The following HELLS variants were observed in gnomAD, a reference collection of about 807,000 sequenced individuals.
The protein encoded by HELLS is lymphoid-specific helicase.
Under a neutral mutation model 120.0 loss-of-function variants are expected in HELLS, and 32 were observed. The observed-to-expected ratio is 0.27, with a 90% confidence interval of 0.20 to 0.36. HELLS has a LOEUF of 0.36. Ranked by LOEUF, HELLS falls within the 10% of genes least tolerant of loss-of-function variation. The pLI, the probability that HELLS is intolerant of heterozygous loss-of-function variation, is 1.00. For synonymous variants in HELLS, 341 were observed against 323.4 expected (o/e 1.05, Z -0.58); for missense variants, 650 against 993.4 (o/e 0.65, Z 4.65).
intron 19 of HELLS, among the ~76,000 whole-genome samples, chr10:94,596,054 C>T (rs973712015): frequency 6.6e-6 from 1 of 152,144 alleles, no homozygotes; most frequent in African/African-American, 2.4e-5. Flanking sequence ...CACCTGGACT[C>T]AAGTGATCCT....
Position 94,574,199 on chromosome 10 carries a change from G to T in HELLS, c.705+12G>T. 1 of 1,537,446 alleles carries T rather than the reference G, an allele frequency of 6.5e-7. No individual in the cohort carries two copies. The highest frequency in any genetic ancestry group is 9.0e-7 in the Non-Finnish European group (1 of 1,113,242). ...TGGAATGGCTTAGGGTAATGAATTG[G>T]AATTTTTAATACAAGATACTGGTTT... On this transcript the variant is annotated intron_variant, in intron 8 of 21. Transcript: ENST00000348459.
chr10:94,562,381 C>T (rs1278457437), intron 4 of HELLS, among the ~76,000 whole-genome samples: 1 of 151,982 alleles, frequency 6.6e-6, no homozygotes, highest in South Asian at 2.1e-4. Context: ...CTATCCTGGG[C>T]GACAAGAGTG....
At chr10:94,580,269 G>A (rs1418879063) in intron 10 of HELLS, among the ~76,000 whole-genome samples, 1 of 143,350 alleles carries the variant, frequency 7.0e-6, no homozygotes, top group Non-Finnish European at 1.5e-5. Flanking sequence ...ACTGCAACCT[G>A]TCTCCCGGGC....
intron 12 of HELLS, chr10:94,584,093 A>G (rs1166156160): frequency 3.6e-6 from 5 of 1,395,194 alleles, no homozygotes; most frequent in Non-Finnish European, 4.7e-6. Context: ...ATATGAAAAT[A>G]CTTATTTACT....
chr10:94,575,765 TTGTGTTTGTGTG>T (rs1564597283), intron 9 of HELLS, among the ~76,000 whole-genome samples: 427 of 38,708 alleles, frequency 0.011, 6 homozygotes, highest in African/African-American at 0.038. Context: ...GGGGGGGGGG[TTGTGTTTGTGTG>T]TGTGTGTGTG....
At chr10:94,588,032 T>A (rs1845265118) in intron 12 of HELLS, among the ~76,000 whole-genome samples, 197 bp from the exon 13 acceptor site, 1 of 152,186 alleles carries the variant, frequency 6.6e-6, no homozygotes, top group Non-Finnish European at 1.5e-5. Flanking sequence ...GAAAATAAAT[T>A]CTGAAATGCT....
intron 2 of HELLS, 90 bp from the exon 3 acceptor site, chr10:94,554,036 T>A: frequency 8.4e-7 from 1 of 1,187,650 alleles, no homozygotes; most frequent in Non-Finnish European, 1.2e-6. Context: ...TAAAAAATGT[T>A]ATTTTAGCCA....
At chr10:94,547,870 T>G (rs1226619407) in intron 2 of HELLS, among the ~76,000 whole-genome samples, 1 of 152,214 alleles carries the variant, frequency 6.6e-6, no homozygotes, top group Admixed American at 6.5e-5. Flanking sequence ...GTAATACTCC[T>G]TCCGTTATTA....
intron 9 of HELLS, among the ~76,000 whole-genome samples, chr10:94,608,636 G>GTTTTTTTTTT (rs140578329): frequency 1.4e-5 from 2 of 148,122 alleles, no homozygotes; most frequent in Non-Finnish European, 3.0e-5. Context: ...CAGTTTTTTA[G>GTTTTTTTTTT]TTTTTTTTTT....
chr10:94,565,940 C>G (rs191497702), intron 6 of HELLS, among the ~76,000 whole-genome samples: 1 of 151,504 alleles, frequency 6.6e-6, no homozygotes, highest in Non-Finnish European at 1.5e-5. Context: ...TACCCTGGCT[C>G]GAATGCAGCT....
At chr10:94,580,139 A>G (rs867550941) in intron 10 of HELLS, among the ~76,000 whole-genome samples, 1,163 of 70,690 alleles carry the variant, frequency 0.016, 68 homozygotes, top group African/African-American at 0.076. Context: ...ATATATATAT[A>G]TATATATATA....
intron 12 of HELLS, among the ~76,000 whole-genome samples, chr10:94,585,385 GT>G (rs10540229): frequency 0.012 from 1,418 of 121,976 alleles, 24 homozygotes; most frequent in African/African-American, 0.04. Context: ...GTTTGTTTTT[GT>G]TTTTTTTTTT....
At chr10:94,613,435 C>T (rs1212098079) in exon 10 of HELLS, 5 of 152,118 alleles carry the variant, frequency 3.3e-5, no homozygotes, top group African/African-American at 9.7e-5. Flanking sequence ...AACATTTCTT[C>T]GTTGTTAATT....
chr10:94,613,377 GT>G (rs1846213189), exon 10 of HELLS: 1 of 152,092 alleles, frequency 6.6e-6, no homozygotes, highest in African/African-American at 2.4e-5. Flanking sequence ...TCAGCTTTTA[GT>G]TTTGTTAAAT....
chr10:94,560,701 T>C (rs1231819302), intron 4 of HELLS, among the ~76,000 whole-genome samples: 1 of 151,068 alleles, frequency 6.6e-6, no homozygotes, highest in African/African-American at 2.4e-5. Flanking sequence ...TGTTCCTAAA[T>C]AAATAAATAA....
chr10:94,567,542 C>T (rs1030737833), intron 6 of HELLS, among the ~76,000 whole-genome samples: 4 of 152,156 alleles, frequency 2.6e-5, no homozygotes, highest in Non-Finnish European at 5.9e-5. Context: ...AGGTGATCCA[C>T]CCACCTTGGC....
Position 94,597,087 on chromosome 10 carries a change from T to G in HELLS, c.2398T>G (p.Leu800Val), listed in dbSNP as rs781540868. 6.3e-7 allele frequency: 1 copy of G among 1,597,392 alleles called. No individual in the cohort carries two copies. Among genetic ancestry groups the G allele is most frequent in the Admixed American group, 1.7e-5 (1 of 59,740 alleles). Residue 800 changes from leucine to valine, a missense_variant, in exon 21 of 22, where the codon TTG (leucine) becomes GTG (valine). Coordinates refer to ENST00000348459, the MANE Select transcript of HELLS (RefSeq NM_018063.5). Reference protein sequence around the residue: ...KVISDKDLELLLDRSDLIDQM... With the variant: ...KVISDKDLELVLDRSDLIDQM... ...CATTAGTGATAAAGATCTAGAGTTG[T>G]TGTTAGATCGAAGTGATCTTATTGG...
At chr10:94,574,404 C>A in intron 8 of HELLS, 150 bp from the exon 9 acceptor site, 1 of 717,436 alleles carries the variant, frequency 1.4e-6, no homozygotes, top group Non-Finnish European at 2.3e-6. Context: ...AAAGGACTTT[C>A]CAGTGTTGTT....
At chr10:94,570,336 T>C (rs2134042627) in intron 6 of HELLS, 1 of 152,332 alleles carries the variant, frequency 6.6e-6, no homozygotes, top group Middle Eastern at 3.4e-3. Context: ...AAGTTTCATT[T>C]TATCTAGTCA....
Sources: allele counts gnomAD v4.1 joint callset (sites outside exome capture counted in the v4.1 genomes callset), GRCh38; gene constraint gnomAD v4.1.1; transcripts MANE v1.5; gene names NCBI Gene and HGNC (gene_info 2026-07-23, HGNC 2026-07-21).